The following SKAP1 variants were observed in gnomAD, a reference collection of about 807,000 sequenced individuals.
SKAP1 encodes src kinase-associated phosphoprotein 1.
SKAP1 carries 44 observed loss-of-function variants against 58.5 expected under a neutral mutation model. The observed-to-expected ratio is 0.75, with a 90% CI of 0.59 to 0.97. The LOEUF (loss-of-function observed/expected upper bound fraction) is 0.97, where lower values mean the gene tolerates loss of function less well. SKAP1 is among the 50% of genes least tolerant of loss of function. SKAP1 has a pLI of 0.00. For synonymous variants in SKAP1, 127 were observed against 149.7 expected (o/e 0.85, Z 1.11); for missense variants, 390 against 435.2 (o/e 0.90, Z 0.92).
intron 9 of SKAP1, among the ~76,000 whole-genome samples, chr17:48,172,091 T>G (rs1414538871): frequency 6.6e-6 from 1 of 152,142 alleles, no homozygotes; most frequent in African/African-American, 2.4e-5. Context: ...AAACCCTCTT[T>G]GATTAATTAG....
At chr17:48,201,413 G>T (rs1181066673) in intron 4 of SKAP1, among the ~76,000 whole-genome samples, 3 of 149,496 alleles carry the variant, frequency 2.0e-5, no homozygotes, top group Non-Finnish European at 4.4e-5. Context: ...ACAGGGTCTT[G>T]CTCTGACACC....
chr17:48,360,090 C>T (rs1358518835), intron 3 of SKAP1, among the ~76,000 whole-genome samples: 1 of 152,112 alleles, frequency 6.6e-6, no homozygotes, highest in Non-Finnish European at 1.5e-5. Flanking sequence ...GCAAGAGATT[C>T]CACTGGCCCA....
At chr17:48,410,172 G>T (rs1442944108) in intron 1 of SKAP1, among the ~76,000 whole-genome samples, 3 of 152,160 alleles carry the variant, frequency 2.0e-5, no homozygotes, top group Non-Finnish European at 4.4e-5. Context: ...GATGATGAAT[G>T]GTGGGTGCCA....
chr17:48,247,667 T>TTA (rs1462650076), intron 4 of SKAP1, among the ~76,000 whole-genome samples: 1 of 152,130 alleles, frequency 6.6e-6, no homozygotes, highest in Admixed American at 6.5e-5. Flanking sequence ...TTCAAAGTGT[T>TTA]TATATATATA....
rs1356337488 is a variant in SKAP1, at chr17:48,356,928, T to C, written c.178+6861A>G. Among the ~76,000 whole-genome samples the C allele has an allele frequency of 3.9e-5, 6 of 152,234 alleles. No individual in the cohort carries two copies. In the East Asian group the frequency reaches 5.8e-4, roughly 15 times the overall value. ...CACAGAAACAAACTATACACACTAG[T>C]TTGCTCAAATTACCCTTTTCATCTA... On this transcript the variant is annotated intron_variant, in intron 3 of 12. Transcript: ENST00000336915.
At chr17:48,363,899 G>A in intron 2 of SKAP1, 85 bp from the exon 3 acceptor site, 1 of 1,072,194 alleles carries the variant, frequency 9.3e-7, no homozygotes, top group Non-Finnish European at 1.3e-6. Flanking sequence ...TATAGCACCT[G>A]GTCCAAAAAG....
Position 48,256,458 on chromosome 17 carries a change from T to C in SKAP1, c.281-66958A>G, listed in dbSNP as rs181719509. ...ACAAATAAAAAGAAACAAAAATATT[T>C]TCAGGGCCCCGAAGAGCAAATGTTC... On this transcript the variant is annotated intron_variant, in intron 4 of 12. Transcript: ENST00000336915. Among the ~76,000 whole-genome samples, 18 of 152,190 alleles carry C rather than the reference T, an allele frequency of 1.2e-4. No individual in the cohort carries two copies. The East Asian group carries it at 3.5e-3, about 29-fold the overall frequency.
At chr17:48,184,888 A>G (rs1312074072) in intron 6 of SKAP1, 41 bp from the exon 7 acceptor site, 3 of 1,591,206 alleles carry the variant, frequency 1.9e-6, no homozygotes, top group East Asian at 2.3e-5. Flanking sequence ...AGAGAGATGC[A>G]ACTGCCAAGG....
chr17:48,286,712 T>G (rs1426336262), intron 4 of SKAP1, among the ~76,000 whole-genome samples: 1 of 152,238 alleles, frequency 6.6e-6, no homozygotes, highest in Non-Finnish European at 1.5e-5. Context: ...GACTTCTTCC[T>G]CAAGAGCAAG....
chr17:48,177,486 A>G (rs1296534140), intron 9 of SKAP1, among the ~76,000 whole-genome samples: 1 of 152,160 alleles, frequency 6.6e-6, no homozygotes, highest in Non-Finnish European at 1.5e-5. Flanking sequence ...TAACTTGCTC[A>G]AGATCTCACA....
upstream of SKAP1, among the ~76,000 whole-genome samples, chr17:48,435,031 G>A (rs897364507): frequency 1.3e-5 from 2 of 152,054 alleles, no homozygotes; most frequent in Non-Finnish European, 2.9e-5. Context: ...TAAGCCTGTA[G>A]TCCCAGCTAC....
intron 4 of SKAP1, among the ~76,000 whole-genome samples, chr17:48,331,650 G>A (rs184579559): frequency 2.0e-5 from 3 of 151,610 alleles, no homozygotes; most frequent in African/African-American, 7.3e-5. Flanking sequence ...TGTGATCTGA[G>A]ATCGCGCCAT....
chr17:48,219,632 AT>A (rs1184190236), intron 4 of SKAP1, among the ~76,000 whole-genome samples: 1 of 152,204 alleles, frequency 6.6e-6, no homozygotes, highest in Non-Finnish European at 1.5e-5. Flanking sequence ...TAACCCAGTT[AT>A]TTAAATTCTG....
intron 9 of SKAP1, among the ~76,000 whole-genome samples, chr17:48,173,576 C>T (rs2064246682): frequency 6.6e-6 from 1 of 152,116 alleles, no homozygotes; most frequent in East Asian, 1.9e-4. Context: ...TTAGAGATAC[C>T]CAATAATTTG....
At chr17:48,169,655 T>C (rs569962313) in intron 10 of SKAP1, among the ~76,000 whole-genome samples, 1 of 152,340 alleles carries the variant, frequency 6.6e-6, no homozygotes, top group South Asian at 2.1e-4. Flanking sequence ...AGTTGGGTCC[T>C]GAACCTTTTA....
At chr17:48,183,134 A>G (rs1281625631) in intron 7 of SKAP1, among the ~76,000 whole-genome samples, 2 of 152,180 alleles carry the variant, frequency 1.3e-5, no homozygotes, top group African/African-American at 2.4e-5. Context: ...GGCAACAGGA[A>G]GCCACTATCA....
intron 11 of SKAP1, among the ~76,000 whole-genome samples, chr17:48,146,060 G>C: frequency 6.6e-6 from 1 of 152,052 alleles, no homozygotes; most frequent in Non-Finnish European, 1.5e-5. Flanking sequence ...TTCTCAAAGG[G>C]TTTATGAACC....
chr17:48,161,127 A>G (rs2064062775), intron 11 of SKAP1, among the ~76,000 whole-genome samples: 1 of 152,204 alleles, frequency 6.6e-6, no homozygotes, highest in Admixed American at 6.5e-5. Context: ...GGAACCATAG[A>G]AAGGTGCTGT....
At chr17:48,365,351 T>C (rs2066988772) in intron 2 of SKAP1, among the ~76,000 whole-genome samples, 1 of 152,194 alleles carries the variant, frequency 6.6e-6, no homozygotes, top group Non-Finnish European at 1.5e-5. Context: ...AAAAACAATG[T>C]TATATATGAT....
Sources: allele counts gnomAD v4.1 joint callset (sites outside exome capture counted in the v4.1 genomes callset), GRCh38; gene constraint gnomAD v4.1.1; transcripts MANE v1.5; gene names NCBI Gene and HGNC (gene_info 2026-07-23, HGNC 2026-07-21).